Variants in GRID1 observed in about 807,000 individuals in gnomAD.
GRID1 encodes glutamate ionotropic receptor delta type subunit 1.
In GRID1, 28 loss-of-function variants were observed where a neutral mutation model predicts 98.0. The ratio of observed to expected loss-of-function variants is 0.29; its 90% CI spans 0.21 to 0.39. The LOEUF is 0.39. Among genes scored for constraint, GRID1 ranks in the 10% least tolerant of loss-of-function variants. GRID1 has a pLI of 1.00. For synonymous variants in GRID1, 553 were observed against 538.5 expected (o/e 1.03, Z -0.37); for missense variants, 1,111 against 1,340.5 (o/e 0.83, Z 2.67).
intron 5 of GRID1, among the ~76,000 whole-genome samples, chr10:85,869,540 C>T (rs1158003676): frequency 6.6e-6 from 1 of 152,208 alleles, no homozygotes; most frequent in Non-Finnish European, 1.5e-5. Flanking sequence ...CTACCTGATT[C>T]TGACAAGGAA....
chr10:85,767,535 G>A (rs1479389356), intron 8 of GRID1, among the ~76,000 whole-genome samples: 1 of 152,134 alleles, frequency 6.6e-6, no homozygotes, highest in Non-Finnish European at 1.5e-5. Flanking sequence ...AGACAAATAC[G>A]ACCTGAAAGT....
intron 3 of GRID1, among the ~76,000 whole-genome samples, chr10:86,191,509 C>T (rs1845802328): frequency 6.6e-6 from 1 of 151,962 alleles, no homozygotes; most frequent in East Asian, 1.9e-4. Context: ...CCACCCCTCC[C>T]CTTCCCAGAC....
rs530247604 is a variant in GRID1, at chr10:86,261,095, T to C, written c.236-54447A>G. On this transcript the variant is annotated intron_variant, in intron 2 of 15. Coordinates refer to ENST00000327946, the MANE Select transcript of GRID1 (RefSeq NM_017551.3). ...ACCCAGCCATGAGGGCTGGGGCCCCTGTAGCAACCCAGGTTCTATGCTTGG... is the reference window on the plus strand; with the variant it reads ...ACCCAGCCATGAGGGCTGGGGCCCCCGTAGCAACCCAGGTTCTATGCTTGG... Among the ~76,000 whole-genome samples the C allele has an allele frequency of 5.3e-5, 8 of 152,356 alleles. No homozygotes were observed. In the East Asian group the frequency reaches 1.5e-3, roughly 29 times the overall value.
chr10:86,248,170 G>A (rs1018548629), intron 2 of GRID1, among the ~76,000 whole-genome samples: 8 of 152,212 alleles, frequency 5.3e-5, no homozygotes, highest in Non-Finnish European at 7.3e-5. Flanking sequence ...AGACGGTGCA[G>A]ACACAGTGGC....
At chr10:85,942,583 G>T (rs1378387535) in intron 4 of GRID1, among the ~76,000 whole-genome samples, 2 of 152,202 alleles carry the variant, frequency 1.3e-5, no homozygotes, top group Non-Finnish European at 2.9e-5. Context: ...GGACCTGGCG[G>T]ACAGTGAGCC....
rs1026679195 is a variant in GRID1 at position 85,621,126 on chromosome 10, A to T, written c.2194-1093T>A. ...TTCTGGAAGGAGATGCAAACCTGAC[A>T]CTGCCACCTGGCCATCTTAAAACAA... On this transcript the variant is annotated intron_variant, in intron 13 of 15. Transcript: ENST00000327946. 1.3e-5 allele frequency among the ~76,000 whole-genome samples: 2 copies of T among 152,202 alleles called. 1 individual carries two copies. Among genetic ancestry groups the T allele is most frequent in the Non-Finnish European group, 2.9e-5 (2 of 68,030 alleles).
At chr10:85,751,217 T>G (rs1022283696) in intron 8 of GRID1, among the ~76,000 whole-genome samples, 5 of 152,198 alleles carry the variant, frequency 3.3e-5, no homozygotes, top group Non-Finnish European at 7.3e-5. Flanking sequence ...CTCTTCTGGT[T>G]GCCCTGGTTA....
intron 4 of GRID1, among the ~76,000 whole-genome samples, chr10:86,039,996 G>A (rs1589347520): frequency 6.6e-6 from 1 of 152,070 alleles, no homozygotes; most frequent in Admixed American, 6.5e-5. Flanking sequence ...CTGGAGGAGA[G>A]GTCTGAGTCT....
intron 10 of GRID1, among the ~76,000 whole-genome samples, chr10:85,726,854 C>A (rs1245622323): frequency 6.6e-6 from 1 of 152,136 alleles, no homozygotes; most frequent in Non-Finnish European, 1.5e-5. Flanking sequence ...GGTTGCACAA[C>A]CCGGTATCTT....
At position 86,322,733 on chromosome 10, in the gene GRID1, A is replaced by AAAATAAAT. The variant is rs201373975; in HGVS notation, c.235+41200_235+41207dup. 1.7e-3 allele frequency among the ~76,000 whole-genome samples: 261 copies of AAAATAAAT among 150,344 alleles called. 1 individual carries two copies. The highest frequency in any genetic ancestry group is 3.3e-3 in the Non-Finnish European group (221 of 67,574). On this transcript the variant is annotated intron_variant, in intron 2 of 15. Coordinates refer to ENST00000327946, the MANE Select transcript of GRID1 (RefSeq NM_017551.3). ...GCCTTGAATTATTTTTTTTTAAATA[A>AAAATAAAT]AAATAAATAAATAAATAAATAAATA... is the stretch of plus-strand genomic sequence containing the variant.
intron 12 of GRID1, among the ~76,000 whole-genome samples, chr10:85,708,517 A>T (rs1340203179): frequency 6.6e-6 from 1 of 152,258 alleles, no homozygotes; most frequent in Non-Finnish European, 1.5e-5. Context: ...CTTTTCAGGT[A>T]AACTCATAAG....
intron 8 of GRID1, among the ~76,000 whole-genome samples, chr10:85,779,507 A>C (rs1036343597): frequency 6.6e-6 from 1 of 152,124 alleles, no homozygotes; most frequent in Non-Finnish European, 1.5e-5. Context: ...AGAAGGACAG[A>C]CACCCAGGTA....
At chr10:85,811,077 T>C (rs1842667059) in intron 8 of GRID1, among the ~76,000 whole-genome samples, 1 of 152,148 alleles carries the variant, frequency 6.6e-6, no homozygotes, top group African/African-American at 2.4e-5. Context: ...GAAGAAGCTG[T>C]GTCATCACCA....
intron 8 of GRID1, among the ~76,000 whole-genome samples, chr10:85,786,161 G>T (rs1222162916): frequency 6.6e-6 from 1 of 152,106 alleles, no homozygotes; most frequent in Non-Finnish European, 1.5e-5. Context: ...AATTACAGAG[G>T]CAGTGAGACC....
At chr10:85,698,263 C>T (rs1485602170) in intron 12 of GRID1, among the ~76,000 whole-genome samples, 1 of 152,152 alleles carries the variant, frequency 6.6e-6, no homozygotes, top group Non-Finnish European at 1.5e-5. Flanking sequence ...GGCTCACATG[C>T]AAAACGGCAA....
chr10:86,141,647 T>TA (rs1183934618), intron 3 of GRID1, among the ~76,000 whole-genome samples: 6 of 152,212 alleles, frequency 3.9e-5, no homozygotes, highest in Non-Finnish European at 5.9e-5. Context: ...ATATGGCCAT[T>TA]AAAACGTCAA....
rs1251753543 is a variant in GRID1, at chr10:85,835,364, C to G, written c.1233+19132G>C. On this transcript the variant is annotated intron_variant, in intron 8 of 15. Coordinates refer to ENST00000327946, the MANE Select transcript of GRID1 (RefSeq NM_017551.3). ...ATCTCACCTTGAATTGTAATAATCC[C>G]CACATGCCAAGGGTGGGGCCAGGTG... Among the ~76,000 whole-genome samples the G allele has an allele frequency of 2.6e-5, 4 of 152,320 alleles. No individual in the cohort carries two copies. In the East Asian group the frequency reaches 7.7e-4, roughly 29 times the overall value.
intron 2 of GRID1, among the ~76,000 whole-genome samples, chr10:86,362,143 T>A (rs1848608174): frequency 6.6e-6 from 1 of 152,210 alleles, no homozygotes; most frequent in Non-Finnish European, 1.5e-5. Flanking sequence ...AAACTGTGGC[T>A]TCAGCTCCCA....
At chr10:86,002,715 A>T (rs919253632) in intron 4 of GRID1, among the ~76,000 whole-genome samples, 12 of 152,078 alleles carry the variant, frequency 7.9e-5, no homozygotes, top group African/African-American at 2.9e-4. Context: ...CATATTTTTT[A>T]AAAACTGTGG....
Sources: allele counts gnomAD v4.1 joint callset (sites outside exome capture counted in the v4.1 genomes callset), GRCh38; gene constraint gnomAD v4.1.1; transcripts MANE v1.5; gene names NCBI Gene and HGNC (gene_info 2026-07-23, HGNC 2026-07-21).